MACROD2: variants seen among roughly 807,000 people sequenced by gnomAD.
MACROD2 encodes ADP-ribose glycohydrolase MACROD2.
Under a neutral mutation model 70.4 loss-of-function variants are expected in MACROD2, and 36 were observed. The ratio of observed to expected loss-of-function variants is 0.51; its 90% CI spans 0.39 to 0.68. The LOEUF is 0.68. Ranked by LOEUF, MACROD2 falls within the 30% of genes least tolerant of loss-of-function variation. The pLI, the probability that MACROD2 is intolerant of heterozygous loss-of-function variation, is 0.00. For missense variants in MACROD2, 496 were observed against 538.4 expected (o/e 0.92, Z 0.78); for synonymous variants, 172 against 178.8 (o/e 0.96, Z 0.30).
chr20:15,575,650 G>C (rs553296074), intron 8 of MACROD2, among the ~76,000 whole-genome samples: 1 of 152,168 alleles, frequency 6.6e-6, no homozygotes, highest in Non-Finnish European at 1.5e-5. Context: ...TGTTTTTAAA[G>C]ATAGGGTAGA....
intron 3 of MACROD2, among the ~76,000 whole-genome samples, chr20:14,297,356 G>A (rs533905493): frequency 1.3e-5 from 2 of 151,980 alleles, no homozygotes; most frequent in African/African-American, 2.4e-5. Flanking sequence ...AAGATAGGCC[G>A]AAAGTGAGGC....
intron 5 of MACROD2, among the ~76,000 whole-genome samples, chr20:14,702,784 A>G (rs1398768318): frequency 1.3e-5 from 2 of 149,410 alleles, no homozygotes; most frequent in African/African-American, 4.9e-5. Context: ...GTGGAGTGCA[A>G]TGTCATCATC....
At chr20:14,558,273 T>C (rs1979185970) in intron 4 of MACROD2, among the ~76,000 whole-genome samples, 2 of 151,776 alleles carry the variant, frequency 1.3e-5, no homozygotes, top group South Asian at 2.1e-4. Flanking sequence ...TTGATTGTGG[T>C]GATGGTTGAA....
chr20:14,512,408 A>G (rs1377388744), intron 4 of MACROD2, among the ~76,000 whole-genome samples: 2 of 152,138 alleles, frequency 1.3e-5, no homozygotes, highest in South Asian at 4.1e-4. Context: ...GAAGATGGGA[A>G]GAATCTGAAG....
At chr20:14,983,136 A>G (rs1011539224) in intron 5 of MACROD2, among the ~76,000 whole-genome samples, 5 of 152,126 alleles carry the variant, frequency 3.3e-5, no homozygotes, top group Non-Finnish European at 7.4e-5. Flanking sequence ...TCAGACTTGC[A>G]TGGGCCCTGT....
chr20:15,663,760 A>G (rs2049857010), intron 8 of MACROD2, among the ~76,000 whole-genome samples: 3 of 152,306 alleles, frequency 2.0e-5, no homozygotes, highest in South Asian at 2.1e-4. Flanking sequence ...ATGAGAATAT[A>G]TAGGAACAGA....
At chr20:15,536,353 A>T (rs1454413404) in intron 8 of MACROD2, among the ~76,000 whole-genome samples, 1 of 152,200 alleles carries the variant, frequency 6.6e-6, no homozygotes, top group Non-Finnish European at 1.5e-5. Context: ...GCCTGCAATC[A>T]TTCCTCAACT....
intron 12 of MACROD2, among the ~76,000 whole-genome samples, chr20:15,960,967 A>G (rs974857853): frequency 2.2e-4 from 33 of 152,186 alleles, no homozygotes; most frequent in African/African-American, 8.0e-4. Context: ...GGAGTAACAG[A>G]AGGAGAAGAG....
intron 5 of MACROD2, among the ~76,000 whole-genome samples, chr20:14,840,080 C>T (rs2073071407): frequency 6.6e-6 from 1 of 151,160 alleles, no homozygotes; most frequent in Non-Finnish European, 1.5e-5. Context: ...TCTTGTTGCC[C>T]AGGCTGGAGT....
intron 10 of MACROD2, among the ~76,000 whole-genome samples, chr20:15,898,549 T>TAAAAAAAAAA (rs10678216): frequency 1.1e-5 from 1 of 94,528 alleles, no homozygotes; most frequent in African/African-American, 4.3e-5. Flanking sequence ...AGACTCAGTC[T>TAAAAAAAAAA]AAAAAAAAAA....
chr20:15,954,815 CTTA>C (rs1908615683), intron 12 of MACROD2, among the ~76,000 whole-genome samples: 1 of 152,116 alleles, frequency 6.6e-6, no homozygotes, highest in South Asian at 2.1e-4. Flanking sequence ...TTATCAAATC[CTTA>C]TTATACATCA....
intron 8 of MACROD2, among the ~76,000 whole-genome samples, chr20:15,616,391 A>G (rs2049039688): frequency 6.6e-6 from 1 of 152,048 alleles, no homozygotes; most frequent in Non-Finnish European, 1.5e-5. Context: ...GGCGTGAGCC[A>G]CCGTGCCCAG....
intron 5 of MACROD2, among the ~76,000 whole-genome samples, chr20:14,737,991 C>T (rs2071687696): frequency 6.6e-6 from 1 of 151,986 alleles, no homozygotes; most frequent in Non-Finnish European, 1.5e-5. Context: ...CTACACAGTC[C>T]TCATTGGTTT....
At chr20:14,881,869 T>G (rs545652031) in intron 5 of MACROD2, among the ~76,000 whole-genome samples, 2 of 152,276 alleles carry the variant, frequency 1.3e-5, no homozygotes, top group East Asian at 3.9e-4. Context: ...TAGGTTTACC[T>G]CTTGCCTGGC....
At chr20:15,402,205 C>T (rs1292496295) in intron 6 of MACROD2, among the ~76,000 whole-genome samples, 4 of 152,016 alleles carry the variant, frequency 2.6e-5, no homozygotes, top group Admixed American at 6.6e-5. Context: ...CTTCAATGGG[C>T]GGTGGTCTTG....
chr20:14,643,431 G>A (rs1985200865), intron 4 of MACROD2, among the ~76,000 whole-genome samples: 1 of 152,072 alleles, frequency 6.6e-6, no homozygotes, highest in Non-Finnish European at 1.5e-5. Flanking sequence ...CTCATACCTG[G>A]CATTTTTGTT....
chr20:15,317,523 A>ATCTATCTATCTATCTGTCTG (rs142419875), intron 6 of MACROD2, among the ~76,000 whole-genome samples: 18 of 149,398 alleles, frequency 1.2e-4, no homozygotes, highest in African/African-American at 4.4e-4. Context: ...CTATCTATCT[A>ATCTATCTATCTATCTGTCTG]TCTGTCTATC....
intron 5 of MACROD2, among the ~76,000 whole-genome samples, chr20:14,786,839 C>T (rs1568795268): frequency 6.6e-6 from 1 of 152,032 alleles, no homozygotes; most frequent in Admixed American, 6.6e-5. Flanking sequence ...ATTCCTGTTT[C>T]TGCTCTCTCT....
intron 3 of MACROD2, among the ~76,000 whole-genome samples, chr20:14,373,915 GT>G (rs2083349301): frequency 1.3e-5 from 2 of 152,104 alleles, no homozygotes; most frequent in African/African-American, 4.8e-5. Context: ...TATGTAGGCA[GT>G]TTTTGTTTAA....
Sources: gnomAD v4.1 joint callset for allele counts (sites outside exome capture counted in the v4.1 genomes callset) on GRCh38, gnomAD v4.1.1 for gene constraint, MANE v1.5 for transcripts, NCBI Gene and HGNC (gene_info 2026-07-23, HGNC 2026-07-21) for gene names.